The following GPRIN1 variants were observed in gnomAD, a reference collection of about 807,000 sequenced individuals.
GPRIN1 encodes G protein-regulated inducer of neurite outgrowth 1.
GPRIN1 carries 4 observed loss-of-function variants against 2.8 expected under a neutral mutation model. The ratio of observed to expected loss-of-function variants is 1.45; its 90% confidence interval spans 0.71 to 3.32. The LOEUF (loss-of-function observed/expected upper bound fraction) is 3.32, where lower values mean the gene tolerates loss of function less well. Among genes scored for constraint, GPRIN1 ranks in the 30% most tolerant of loss-of-function variants. The pLI is 0.01. For missense variants in GPRIN1, 1,322 were observed against 1,343.4 expected (o/e 0.98, Z 0.25); for synonymous variants, 589 against 589.9 (o/e 1.00, Z 0.02).
At position 176,599,185 on chromosome 5, in the gene GPRIN1, A is replaced by G; in HGVS notation, c.650T>C (p.Val217Ala). 1.2e-6 allele frequency: 2 copies of G among 1,613,786 alleles called. No individual in the cohort carries two copies. The highest frequency in any genetic ancestry group is 1.7e-6 in the Non-Finnish European group (2 of 1,179,906). ...RKEDLGSLGKVDPLCSSKTYT... is the reference protein window; with the variant it reads ...RKEDLGSLGKADPLCSSKTYT... ...CGTCTTGCTGGAGCACAAAGGATCTACTTTTCCCAGGGATCCAAGATCTTC... is the reference window on the plus strand; with the variant it reads ...CGTCTTGCTGGAGCACAAAGGATCTGCTTTTCCCAGGGATCCAAGATCTTC... The change falls in exon 2 of 2, where the codon GTA (valine) becomes GCA (alanine). Residue 217 changes from valine (V) to alanine (A), a missense_variant. Around this residue, in one of 3 missense-constraint regions of GPRIN1, gnomAD observed 1,117 missense variants for 1,128.6 expected, o/e 0.99. Transcript: ENST00000303991.
At chr5:176,607,580 G>C (rs1216980633) in intron 1 of GPRIN1, among the ~76,000 whole-genome samples, 1 of 152,170 alleles carries the variant, frequency 6.6e-6, no homozygotes, top group Non-Finnish European at 1.5e-5. Context: ...CTGGCCTCAA[G>C]TGATCCACCC....
chr5:176,597,648 G>A lies in GPRIN1; in HGVS notation c.2187C>T (p.Arg729=). The change falls in exon 2 of 2, where the codon CGC becomes CGT. Residue 729 remains arginine, a synonymous_variant. Transcript: ENST00000303991. This position sits in a 1 kb window ranked among gnomAD's most constrained non-coding sequence, Gnocchi z 6.1. ...KPSSSSRQLD[R]KALGSARSPE... Reference sequence around the variant, plus strand: ...GAGACCGGGCTGAGCCGAGGGCTTTGCGGTCTAACTGCCTGGAGGAGGAGG... The same window carrying A: ...GAGACCGGGCTGAGCCGAGGGCTTTACGGTCTAACTGCCTGGAGGAGGAGG... 2 of 1,599,990 alleles carry A rather than the reference G, an allele frequency of 1.3e-6. No individual in the cohort carries two copies. Among genetic ancestry groups the A allele is most frequent in the Non-Finnish European group, 1.7e-6 (2 of 1,176,552 alleles).
Position 176,599,127 on chromosome 5 carries a change from C to A in GPRIN1, c.708G>T (p.Gly236=), listed in dbSNP as rs373697082. ...YTVSPRKEDP[G]SLRKVDPVSS... ...ACACAGGATCCACCTTTCTCAAAGA[C>A]CCAGGATCCTCCTTCCTCGGTGACA... The change falls in exon 2 of 2, where the codon GGG becomes GGT. Residue 236 remains glycine (G), a synonymous_variant. Transcript: ENST00000303991. The A allele has an allele frequency of 2.3e-5, 20 of 860,104 alleles. No individual in the cohort carries two copies. The highest frequency in any genetic ancestry group is 2.9e-5 in the Non-Finnish European group (18 of 627,098). 53.3% of individuals were successfully genotyped at this position (860,104 alleles called of 1,614,324 possible).
rs201715184 is a variant in GPRIN1 at position 176,598,686 on chromosome 5, T to A, written c.1149A>T (p.Gly383=). Residue 383 remains glycine, a synonymous_variant, in exon 2 of 2, where the codon GGA becomes GGT. Transcript: ENST00000303991. The stretch of plus-strand genomic sequence containing the variant: ...TGTGGCCAGACACAGGACGCCCCTC[T>A]CCTGAGGAGGCAGGGTCCATCTTTC... ...FLGKMDPASS[G]EGRPVSGHTD... The A allele has an allele frequency of 3.1e-6, 5 of 1,614,126 alleles. No homozygotes were observed. In the East Asian group the frequency reaches 1.1e-4, roughly 36 times the overall value.
intron 1 of GPRIN1, among the ~76,000 whole-genome samples, chr5:176,606,552 C>T (rs926951328): frequency 6.6e-6 from 1 of 152,168 alleles, no homozygotes; most frequent in African/African-American, 2.4e-5. Context: ...CAGCTGGAGC[C>T]CCAAAGGGAC....
chr5:176,603,295 C>G (rs1759174781), intron 1 of GPRIN1, among the ~76,000 whole-genome samples: 2 of 152,194 alleles, frequency 1.3e-5, no homozygotes, highest in African/African-American at 4.8e-5. Flanking sequence ...ACACCCTCTT[C>G]TGGAGGAATC....
At chr5:176,606,697 C>T (rs1759225144) in intron 1 of GPRIN1, among the ~76,000 whole-genome samples, 1 of 152,172 alleles carries the variant, frequency 6.6e-6, no homozygotes, top group Admixed American at 6.5e-5. Flanking sequence ...CACAGCCGGC[C>T]CTTCATGTAT....
intron 1 of GPRIN1, among the ~76,000 whole-genome samples, chr5:176,601,150 A>G (rs891858879): frequency 6.6e-6 from 1 of 152,032 alleles, no homozygotes; most frequent in African/African-American, 2.4e-5. Context: ...GTTTATGTCT[A>G]TGTAGGCCCT....
At chr5:176,601,711 C>G (rs957217755) in intron 1 of GPRIN1, among the ~76,000 whole-genome samples, 6 of 152,126 alleles carry the variant, frequency 3.9e-5, no homozygotes, top group Admixed American at 6.5e-5. Flanking sequence ...CCCCTCAAAC[C>G]TGCTCCAAAA....
chr5:176,604,302 G>A (rs1241947097), intron 1 of GPRIN1, among the ~76,000 whole-genome samples: 2 of 152,184 alleles, frequency 1.3e-5, no homozygotes, highest in Non-Finnish European at 2.9e-5. Context: ...TCGGAAAGGG[G>A]GTGGCAGCGG....
rs1329030799 is a variant in GPRIN1, at chr5:176,598,524, A to G, written c.1311T>C (p.Pro437=). 1.9e-6 allele frequency: 3 copies of G among 1,614,088 alleles called. No homozygotes were observed. Among genetic ancestry groups the G allele is most frequent in the East Asian group, 2.2e-5 (1 of 44,872 alleles). ...MCSGKPELLS[P]GQAERVSVGK... ...CCACAGACACACGCTCTGCCTGTCC[A>G]GGAGACAAGAGCTCTGGCTTTCCTG... is the stretch of plus-strand genomic sequence containing the variant. The change falls in exon 2 of 2, where the codon CCT becomes CCC. Residue 437 remains proline, a synonymous_variant. Coordinates refer to ENST00000303991, the MANE Select transcript of GPRIN1 (RefSeq NM_052899.3).
At chr5:176,603,937 G>C (rs1759185315) in intron 1 of GPRIN1, among the ~76,000 whole-genome samples, 1 of 152,210 alleles carries the variant, frequency 6.6e-6, no homozygotes. Context: ...TGGGGACTGT[G>C]GCAAACTAGA....
rs1759078598 is a variant in GPRIN1 at position 176,598,002 on chromosome 5, T to C, written c.1833A>G (p.Leu611=). Reference sequence around the variant, plus strand: ...TGGTGGTAACAGGACTCCCCTTCTCTAGAGGCAGAGAACCCACTTTTCCCT... The same window carrying C: ...TGGTGGTAACAGGACTCCCCTTCTCCAGAGGCAGAGAACCCACTTTTCCCT... ...IPEGKVGSLP[L]EKGSPVTTTK... is the part of the protein sequence containing the mutation. Residue 611 remains leucine (L), a synonymous_variant, in exon 2 of 2, where the codon CTA becomes CTG. Transcript: ENST00000303991. The C allele has an allele frequency of 1.2e-6, 2 of 1,613,996 alleles. No individual in the cohort carries two copies. Among genetic ancestry groups the C allele is most frequent in the Admixed American group, 3.3e-5 (2 of 60,010 alleles).
At position 176,610,019 on chromosome 5, in the gene GPRIN1, G is replaced by A; in HGVS notation, c.-64C>T. ...CTTACCAGGCAGTGCCGCTGCTCCG[G>A]CTCCTGGGCGAGATGCGCTCCGGCT... On this transcript the variant is annotated 5_prime_UTR_variant, in exon 1 of 2. Transcript: ENST00000303991. 6.5e-6 allele frequency: 1 copy of A among 152,802 alleles called. No homozygotes were observed. The highest frequency in any genetic ancestry group is 1.5e-5 in the Non-Finnish European group (1 of 68,864). The allele number at this position is 152,802 out of a possible 1,614,324, so 9.5% of individuals were successfully genotyped here.
Position 176,596,819 on chromosome 5 carries a change from TG to T in GPRIN1, c.3015del (p.Thr1006ArgfsTer79). 2.1e-6 allele frequency: 3 copies of T among 1,422,680 alleles called. No homozygotes were observed. Among genetic ancestry groups the T allele is most frequent in the Non-Finnish European group, 2.8e-6 (3 of 1,086,634 alleles). 88.1% of individuals were successfully genotyped at this position (1,422,680 alleles called of 1,614,324 possible). ...RRPRCCSRAG[P>X]TAE is the part of the protein sequence containing the mutation. ...AAAATGGGGGCAGATCACTCGGCCG[TG>T]GGTCCCGCCCGCGAGCAGCACCGCG... is the stretch of plus-strand genomic sequence containing the variant. On this transcript the variant is annotated frameshift_variant, in exon 2 of 2. Transcript: ENST00000303991. LOFTEE classifies it high-confidence loss of function. This position sits in a 1 kb window ranked among gnomAD's most constrained non-coding sequence, Gnocchi z 5.2.
intron 1 of GPRIN1, among the ~76,000 whole-genome samples, chr5:176,601,652 AC>A (rs1367627315): frequency 2.0e-5 from 3 of 151,908 alleles, no homozygotes; most frequent in Non-Finnish European, 4.4e-5. Flanking sequence ...CCTACAAGCA[AC>A]CCCGTTCCGT....
intron 1 of GPRIN1, among the ~76,000 whole-genome samples, chr5:176,609,773 C>CCCGCG (rs1200953767): frequency 1.7e-4 from 26 of 148,942 alleles, no homozygotes; most frequent in Admixed American, 1.7e-3. Flanking sequence ...GCGGGACCCG[C>CCCGCG]CCCCGCCCCG....
chr5:176,603,424 G>A (rs911111386), intron 1 of GPRIN1, among the ~76,000 whole-genome samples: 1 of 152,114 alleles, frequency 6.6e-6, no homozygotes, highest in African/African-American at 2.4e-5. Flanking sequence ...GTAGCCTCTC[G>A]TTCCTCCTCT....
In GPRIN1 at chr5:176,598,701, G is replaced by A. The variant is rs780535805; in HGVS notation, c.1134C>T (p.Asp378=). The A allele has an allele frequency of 1.9e-6, 3 of 1,613,954 alleles. No homozygotes were observed. Among genetic ancestry groups the A allele is most frequent in the Admixed American group, 1.7e-5 (1 of 60,016 alleles). The change falls in exon 2 of 2, where the codon GAC becomes GAT. Residue 378 remains aspartate, a synonymous_variant. Coordinates refer to ENST00000303991, the MANE Select transcript of GPRIN1 (RefSeq NM_052899.3). ...KEDSRFLGKM[D]PASSGEGRPV... ...GACGCCCCTCTCCTGAGGAGGCAGG[G>A]TCCATCTTTCCCAGGAACCGGGAGT... is the stretch of plus-strand genomic sequence containing the variant.
Sources: gnomAD v4.1 joint callset for allele counts (sites outside exome capture counted in the v4.1 genomes callset) on GRCh38, gnomAD v4.1.1 for gene constraint, gnomAD v4.1.1 regional missense constraint, Gnocchi (gnomAD v3.1) non-coding constraint, MANE v1.5 for transcripts, NCBI Gene and HGNC (gene_info 2026-07-23, HGNC 2026-07-21) for gene names.